Variants in ZNF516 observed in about 807,000 individuals in gnomAD.
ZNF516 encodes the protein zinc finger protein 516.
Under a neutral mutation model 79.7 loss-of-function variants are expected in ZNF516, and 19 were observed. The observed-to-expected ratio is 0.24, with a 90% confidence interval of 0.17 to 0.35. ZNF516 has a LOEUF of 0.35. ZNF516 is among the 10% of genes least tolerant of loss of function. The pLI is 1.00. For missense variants in ZNF516, 1,678 were observed against 1,679.5 expected, an observed-to-expected ratio of 1.00 and a Z score of 0.02; for synonymous variants, 877 against 739.5, an observed-to-expected ratio of 1.19 and a Z score of -3.02.
chr18:76,383,258 T>C (rs1009792066), intron 3 of ZNF516, among the ~76,000 whole-genome samples: 1 of 152,082 alleles, frequency 6.6e-6, no homozygotes, highest in South Asian at 2.1e-4. Context: ...ACTGAACAGC[T>C]TTCCAAGGAC....
At chr18:76,373,867 C>T (rs941371524) in intron 4 of ZNF516, among the ~76,000 whole-genome samples, 14 of 152,356 alleles carry the variant, frequency 9.2e-5, no homozygotes, top group African/African-American at 3.1e-4. Flanking sequence ...TACAACATTC[C>T]GAGTCAATCA....
rs2074525799 is a variant in ZNF516, at chr18:76,360,820, A to ATAC, written c.*1677_*1678insGTA. On this transcript the variant is annotated 3_prime_UTR_variant, in exon 7 of 7. Transcript: ENST00000443185. ...AATAATAATAATAATAATAATAATA[A>ATAC]TATAATAATATTCAACAAATCATTA... is the stretch of plus-strand genomic sequence containing the variant. 7.0e-6 allele frequency: 1 copy of ATAC among 143,560 alleles called. No individual in the cohort carries two copies. Among genetic ancestry groups the ATAC allele is most frequent in the African/African-American group, 2.7e-5 (1 of 36,632 alleles). 8.9% of individuals were successfully genotyped at this position (143,560 alleles called of 1,614,324 possible). A position where few individuals can be genotyped will look rare whatever the true frequency, so the allele number is the denominator to read the frequency against.
chr18:76,384,732 T>C (rs1024705916), intron 3 of ZNF516, among the ~76,000 whole-genome samples: 1 of 151,634 alleles, frequency 6.6e-6, no homozygotes, highest in Non-Finnish European at 1.5e-5. Context: ...GTTGAGGAAA[T>C]GCCTGGTTCC....
At chr18:76,422,922 G>C (rs984890624) in intron 3 of ZNF516, among the ~76,000 whole-genome samples, 1 of 152,044 alleles carries the variant, frequency 6.6e-6, no homozygotes, top group Non-Finnish European at 1.5e-5. Context: ...TTCTGTCACC[G>C]GTTCATTTTT....
chr18:76,398,498 G>A (rs376265575), intron 3 of ZNF516, among the ~76,000 whole-genome samples: 2 of 152,134 alleles, frequency 1.3e-5, no homozygotes, highest in African/African-American at 2.4e-5. Flanking sequence ...GAATGGTGGC[G>A]GGGACTGTCG....
intron 2 of ZNF516, among the ~76,000 whole-genome samples, chr18:76,446,398 A>C (rs531300437): frequency 5.9e-5 from 9 of 152,164 alleles, no homozygotes; most frequent in Non-Finnish European, 4.4e-5. Context: ...AGAGCCCCCA[A>C]ATACAGCCCC....
intron 2 of ZNF516, among the ~76,000 whole-genome samples, chr18:76,444,238 A>G (rs1289709185): frequency 6.6e-6 from 1 of 152,142 alleles, no homozygotes; most frequent in Non-Finnish European, 1.5e-5. Context: ...AGTGTTCAAG[A>G]GGGAGGGGCT....
chr18:76,483,044 CTT>C (rs1375081564), intron 1 of ZNF516, among the ~76,000 whole-genome samples: 1 of 152,106 alleles, frequency 6.6e-6, no homozygotes, highest in Non-Finnish European at 1.5e-5. Context: ...TTTTTTTCCT[CTT>C]AAGAAAAGAA....
At chr18:76,385,379 T>C (rs932086431) in intron 3 of ZNF516, among the ~76,000 whole-genome samples, 2 of 152,208 alleles carry the variant, frequency 1.3e-5, no homozygotes, top group Non-Finnish European at 2.9e-5. Flanking sequence ...GGCAACATCT[T>C]CAACACACAC....
chr18:76,465,236 G>C (rs545135210), intron 1 of ZNF516, among the ~76,000 whole-genome samples: 1 of 152,342 alleles, frequency 6.6e-6, no homozygotes, highest in South Asian at 2.1e-4. Context: ...TTGAGACCAA[G>C]GTTTCGGGTT....
At chr18:76,368,518 G>A (rs2074653681) in intron 6 of ZNF516, among the ~76,000 whole-genome samples, 1 of 143,522 alleles carries the variant, frequency 7.0e-6, no homozygotes, top group East Asian at 2.0e-4. Flanking sequence ...TGAATGAAAG[G>A]AAAGCTCACC....
At chr18:76,392,862 G>C (rs532951752) in intron 3 of ZNF516, among the ~76,000 whole-genome samples, 3 of 7,046 alleles carry the variant, frequency 4.3e-4, no homozygotes, top group Non-Finnish European at 5.3e-4. Flanking sequence ...CAGGTGGGGG[G>C]AAGGCAGGTG....
intron 6 of ZNF516, among the ~76,000 whole-genome samples, chr18:76,367,504 G>A (rs773922017): frequency 1.8e-4 from 27 of 152,130 alleles, no homozygotes; most frequent in Non-Finnish European, 3.1e-4. Context: ...CCGAGCCTCT[G>A]CCCACCCACT....
chr18:76,374,885 T>A (rs1353545479), intron 4 of ZNF516, among the ~76,000 whole-genome samples: 1 of 152,058 alleles, frequency 6.6e-6, no homozygotes, highest in Non-Finnish European at 1.5e-5. Context: ...GATACACTTG[T>A]ATAATAAGAC....
intron 1 of ZNF516, among the ~76,000 whole-genome samples, chr18:76,491,257 A>G (rs1915175994): frequency 1.0e-5 from 1 of 95,756 alleles, no homozygotes; most frequent in South Asian, 4.0e-4. Context: ...CCAGTTCCGG[A>G]CCGGACCCGC....
chr18:76,496,191 T>G, upstream of ZNF516: 1 of 1,151,412 alleles, frequency 8.7e-7, no homozygotes. Flanking sequence ...GGGTCGGAGC[T>G]AGCGAGGGCG....
intron 1 of ZNF516, among the ~76,000 whole-genome samples, chr18:76,474,840 A>G (rs1166948298): frequency 6.6e-6 from 1 of 152,176 alleles, no homozygotes; most frequent in Non-Finnish European, 1.5e-5. Context: ...AAAATCATAC[A>G]ATGTTTTTCA....
At chr18:76,469,087 A>C (rs1220899520) in intron 1 of ZNF516, among the ~76,000 whole-genome samples, 1 of 152,200 alleles carries the variant, frequency 6.6e-6, no homozygotes, top group Non-Finnish European at 1.5e-5. Flanking sequence ...TTTGTAATGA[A>C]GTCATGATGT....
intron 1 of ZNF516, among the ~76,000 whole-genome samples, chr18:76,480,154 T>C (rs1316363333): frequency 8.2e-6 from 1 of 122,152 alleles, no homozygotes; most frequent in Non-Finnish European, 1.7e-5. Flanking sequence ...ACTGAAGATT[T>C]TGTGTAAAAA....
Sources: gnomAD v4.1 joint callset for allele counts (sites outside exome capture counted in the v4.1 genomes callset) on GRCh38, gnomAD v4.1.1 for gene constraint, MANE v1.5 for transcripts, NCBI Gene and HGNC (gene_info 2026-07-23, HGNC 2026-07-21) for gene names.